The following VWA3B variants were observed in gnomAD, a reference collection of about 807,000 sequenced individuals.
VWA3B encodes von Willebrand factor A domain containing 3B.
Under a neutral mutation model 158.3 loss-of-function variants are expected in VWA3B, and 138 were observed. That is an observed-to-expected ratio of 0.87 (90% CI 0.76 to 1.00). The LOEUF (loss-of-function observed/expected upper bound fraction) is 1.00. Among genes scored for constraint, VWA3B ranks in the 50% least tolerant of loss-of-function variants. The pLI is 0.00. For missense variants in VWA3B, 1,555 were observed against 1,565.1 expected (o/e 0.99, Z 0.11); for synonymous variants, 596 against 587.3 (o/e 1.01, Z -0.21).
At chr2:98,268,679 C>CTT (rs74265073) in intron 21 of VWA3B, among the ~76,000 whole-genome samples, 9 of 139,344 alleles carry the variant, frequency 6.5e-5, no homozygotes, top group African/African-American at 1.6e-4. Flanking sequence ...ATCTCCATTC[C>CTT]TTTTTTTTTT....
At chr2:98,152,904 G>A (rs1677750121) in intron 7 of VWA3B, among the ~76,000 whole-genome samples, 1 of 152,212 alleles carries the variant, frequency 6.6e-6, no homozygotes, top group Non-Finnish European at 1.5e-5. Flanking sequence ...AGAAGAGGAG[G>A]CACATTGCAA....
chr2:98,319,224 A>C, the VWA3B span, among the ~76,000 whole-genome samples: 4 of 152,228 alleles, frequency 2.6e-5, no homozygotes, highest in Admixed American at 2.0e-4. Flanking sequence ...TAAAAGAAAA[A>C]AAAAAAGCAG....
chr2:98,246,628 C>T (rs758048101), intron 19 of VWA3B, among the ~76,000 whole-genome samples: 5 of 151,940 alleles, frequency 3.3e-5, no homozygotes, highest in South Asian at 2.1e-4. Context: ...GTGATCTGCC[C>T]GCCTCGGCCT....
chr2:98,251,462 G>A (rs557127117), intron 20 of VWA3B, among the ~76,000 whole-genome samples: 1 of 152,098 alleles, frequency 6.6e-6, no homozygotes, highest in Admixed American at 6.5e-5. Flanking sequence ...CTGCTCACAG[G>A]CTGGTCCTTG....
chr2:98,230,095 T>G lies in VWA3B; in HGVS notation c.2196T>G (p.Cys732Trp). The change falls in exon 16 of 28, where the codon TGT becomes TGG. Residue 732 changes from cysteine (C) to tryptophan (W), a missense_variant. Physicochemically the swap from Cys to Trp is radical, Grantham distance 215 (BLOSUM62 -2). Transcript: ENST00000477737. ...ICSMISTPEK[C>W]AKPQSDVDST... is the part of the protein sequence containing the mutation. ...CTATGATTTCAACCCCAGAAAAGTG[T>G]GCAAAGCCTCAATCTGATGTCGATT... The G allele has an allele frequency of 6.2e-7, 1 of 1,609,698 alleles. No individual in the cohort carries two copies. The highest frequency in any genetic ancestry group is 1.1e-5 in the South Asian group (1 of 89,772).
intron 14 of VWA3B, among the ~76,000 whole-genome samples, chr2:98,225,028 G>T (rs925812530): frequency 6.6e-6 from 1 of 152,192 alleles, no homozygotes; most frequent in Non-Finnish European, 1.5e-5. Flanking sequence ...CCACCTCTAT[G>T]GTTCAAGCAA....
chr2:98,128,136 AT>A (rs1251967819), intron 5 of VWA3B, 102 bp from the exon 6 acceptor site: 1 of 1,423,676 alleles, frequency 7.0e-7, no homozygotes, highest in Non-Finnish European at 9.6e-7. Context: ...CTTTCTGCCC[AT>A]TTTTTCTAAG....
At chr2:98,091,335 G>A (rs572006470) in intron 1 of VWA3B, among the ~76,000 whole-genome samples, 193 of 152,290 alleles carry the variant, frequency 1.3e-3, no homozygotes, top group African/African-American at 4.2e-3. Context: ...TGTAAGTGGC[G>A]TGTTAATAAT....
intron 23 of VWA3B, among the ~76,000 whole-genome samples, chr2:98,293,515 A>G (rs1689619054): frequency 6.6e-6 from 1 of 152,218 alleles, no homozygotes; most frequent in Non-Finnish European, 1.5e-5. Context: ...AAATTCAAAC[A>G]TACAGAAAAG....
downstream of VWA3B, among the ~76,000 whole-genome samples, chr2:98,314,817 G>A (rs1234135347): frequency 6.6e-6 from 1 of 152,164 alleles, no homozygotes; most frequent in Non-Finnish European, 1.5e-5. Context: ...GAGCTCAGGA[G>A]TTCAAGACCA....
chr2:98,317,133 C>G (rs1240955014), downstream of VWA3B, among the ~76,000 whole-genome samples: 1 of 152,240 alleles, frequency 6.6e-6, no homozygotes, highest in South Asian at 2.1e-4. Context: ...GCATGAAAAG[C>G]TTTGAAACAC....
the VWA3B span, among the ~76,000 whole-genome samples, chr2:98,325,331 T>C: frequency 6.6e-6 from 1 of 152,208 alleles, no homozygotes; most frequent in Admixed American, 6.5e-5. Flanking sequence ...CCACTGGCTT[T>C]TCATCAGCAC....
chr2:98,316,925 G>A (rs1007292368), downstream of VWA3B, among the ~76,000 whole-genome samples: 21 of 152,108 alleles, frequency 1.4e-4, no homozygotes, highest in African/African-American at 5.1e-4. Flanking sequence ...ATGCTGCCAT[G>A]CTTCCTGTAC....
the VWA3B span, among the ~76,000 whole-genome samples, chr2:98,329,144 A>G: frequency 2.6e-5 from 4 of 152,244 alleles, no homozygotes; most frequent in African/African-American, 9.6e-5. Flanking sequence ...TGGGGAAAAA[A>G]TGACCATAAA....
intron 1 of VWA3B, among the ~76,000 whole-genome samples, 175 bp from the exon 2 acceptor site, chr2:98,092,886 C>T (rs1682446885): frequency 7.7e-6 from 1 of 130,050 alleles, no homozygotes; most frequent in Admixed American, 8.5e-5. Flanking sequence ...TTATGGATAC[C>T]TCTTAGCAAT....
At chr2:98,215,901 A>G (rs1392582949) in intron 13 of VWA3B, among the ~76,000 whole-genome samples, 1 of 151,710 alleles carries the variant, frequency 6.6e-6, no homozygotes, top group Non-Finnish European at 1.5e-5. Flanking sequence ...TTTTTTCATT[A>G]TTCCTTGGAT....
In VWA3B at chr2:98,253,075, A is replaced by G. The variant is rs138397823; in HGVS notation, c.2792+2639A>G. 1.9e-3 allele frequency among the ~76,000 whole-genome samples: 288 copies of G among 152,256 alleles called. 1 individual carries two copies. Among genetic ancestry groups the G allele is most frequent in the Admixed American group, 4.1e-3 (63 of 15,304 alleles). On this transcript the variant is annotated intron_variant, in intron 20 of 27. Transcript: ENST00000477737. ...TTATTTAATATTAATAGTAACATGA[A>G]TATTATACGGAACCAAATTTCCTGA...
chr2:98,195,775 G>A (rs1427161867), intron 12 of VWA3B, among the ~76,000 whole-genome samples: 3 of 151,952 alleles, frequency 2.0e-5, no homozygotes, highest in African/African-American at 7.3e-5. Context: ...TTAGCCATTT[G>A]GCTAAAAACA....
intron 22 of VWA3B, among the ~76,000 whole-genome samples, chr2:98,272,473 G>GA (rs975090959): frequency 1.3e-5 from 2 of 152,100 alleles, no homozygotes; most frequent in African/African-American, 4.8e-5. Context: ...TGTCCTTTTG[G>GA]GTTCTTATGG....
Sources: allele counts gnomAD v4.1 joint callset (sites outside exome capture counted in the v4.1 genomes callset), GRCh38; gene constraint gnomAD v4.1.1; transcripts MANE v1.5; gene names NCBI Gene and HGNC (gene_info 2026-07-23, HGNC 2026-07-21).